PTPRM: variants seen among roughly 807,000 people sequenced by gnomAD.
The protein encoded by PTPRM is protein tyrosine phosphatase receptor type M, also known as receptor-type tyrosine-protein phosphatase mu.
A neutral mutation model predicts 186.7 loss-of-function variants in PTPRM; 47 were observed. That is an observed-to-expected ratio of 0.25 (90% CI 0.20 to 0.32). PTPRM has a LOEUF of 0.32. Ranked by LOEUF, PTPRM falls within the 10% of genes least tolerant of loss-of-function variation. PTPRM has a pLI of 1.00. For missense variants in PTPRM, 1,494 were observed against 1,865.0 expected, an observed-to-expected ratio of 0.80 and a Z score of 3.66; for synonymous variants, 668 against 674.9, an observed-to-expected ratio of 0.99 and a Z score of 0.16.
chr18:7,690,748 A>T (rs2039713686), intron 1 of PTPRM, among the ~76,000 whole-genome samples: 1 of 152,200 alleles, frequency 6.6e-6, no homozygotes, highest in South Asian at 2.1e-4. Context: ...GTTGTTACCT[A>T]AAGTTCATTA....
chr18:7,965,477 G>A (rs956115345), intron 7 of PTPRM, among the ~76,000 whole-genome samples: 3 of 152,116 alleles, frequency 2.0e-5, no homozygotes, highest in Non-Finnish European at 4.4e-5. Context: ...AGGAAGGTAG[G>A]TGAACCCTTA....
At chr18:8,372,217 G>A (rs958957616) in intron 24 of PTPRM, among the ~76,000 whole-genome samples, 12 of 147,200 alleles carry the variant, frequency 8.2e-5, no homozygotes, top group East Asian at 2.0e-4. Context: ...GACTACAGGC[G>A]CCCGCCACCG....
At chr18:7,902,834 C>CTGTT (rs375304011) in intron 3 of PTPRM, among the ~76,000 whole-genome samples, 8 of 130,070 alleles carry the variant, frequency 6.2e-5, no homozygotes, top group African/African-American at 2.0e-4. Context: ...TCTTCTCTGC[C>CTGTT]TTTTTTTTTT....
intron 9 of PTPRM, among the ~76,000 whole-genome samples, chr18:8,084,592 T>C (rs1400185615): frequency 6.6e-6 from 1 of 152,178 alleles, no homozygotes; most frequent in Non-Finnish European, 1.5e-5. Context: ...GGTATAAATA[T>C]AAGAAGAAAG....
chr18:7,706,628 A>AAAC (rs1568042208), intron 1 of PTPRM, among the ~76,000 whole-genome samples: 16 of 149,630 alleles, frequency 1.1e-4, no homozygotes, highest in African/African-American at 2.0e-4. Flanking sequence ...AAAAAAAAAA[A>AAAC]AACAACAAAA....
intron 19 of PTPRM, among the ~76,000 whole-genome samples, chr18:8,258,066 C>T (rs928263395): frequency 2.6e-5 from 4 of 152,158 alleles, no homozygotes; most frequent in African/African-American, 9.7e-5. Flanking sequence ...GAAACTCAGA[C>T]ATGAATCACA....
chr18:8,148,870 C>T (rs1307484099), intron 14 of PTPRM, among the ~76,000 whole-genome samples: 2 of 152,136 alleles, frequency 1.3e-5, no homozygotes, highest in Admixed American at 1.3e-4. Flanking sequence ...TCATTGGTTT[C>T]AAAGAACATC....
intron 19 of PTPRM, among the ~76,000 whole-genome samples, chr18:8,281,378 C>T (rs1296197714): frequency 2.0e-5 from 3 of 152,200 alleles, no homozygotes; most frequent in Admixed American, 6.5e-5. Context: ...CCTCCACCTA[C>T]AGCAGGATGC....
At chr18:7,748,820 A>T (rs926936893) in intron 1 of PTPRM, among the ~76,000 whole-genome samples, 5 of 152,176 alleles carry the variant, frequency 3.3e-5, no homozygotes, top group Admixed American at 3.3e-4. Context: ...AGGAACCCAC[A>T]GCCTTCCATT....
At chr18:7,922,067 T>C (rs2050897973) in intron 4 of PTPRM, among the ~76,000 whole-genome samples, 1 of 152,210 alleles carries the variant, frequency 6.6e-6, no homozygotes, top group Admixed American at 6.5e-5. Context: ...TTTCCCTTTT[T>C]TTCCTCTGCT....
At chr18:7,902,108 T>C (rs2049723471) in intron 3 of PTPRM, among the ~76,000 whole-genome samples, 1 of 152,226 alleles carries the variant, frequency 6.6e-6, no homozygotes, top group African/African-American at 2.4e-5. Context: ...TTTTCTCCTA[T>C]CTTGACTCTG....
At chr18:8,386,974 A>G in intron 30 of PTPRM, 98 bp from the exon 31 acceptor site, 2 of 1,267,546 alleles carry the variant, frequency 1.6e-6, no homozygotes, top group South Asian at 1.4e-5. Flanking sequence ...CTCGCCTTTA[A>G]TAATGGGAAG....
intron 7 of PTPRM, among the ~76,000 whole-genome samples, chr18:8,023,866 A>G (rs112001742): frequency 0.026 from 3,778 of 145,108 alleles, 162 homozygotes; most frequent in African/African-American, 0.089. Flanking sequence ...ACACACACAC[A>G]CACACGCACA....
In PTPRM at chr18:7,567,486, C is replaced by T. The variant is rs2036453503; in HGVS notation, c.-333C>T. On this transcript the variant is annotated 5_prime_UTR_variant, in exon 1 of 33. Coordinates refer to ENST00000580170, the MANE Select transcript of PTPRM (RefSeq NM_001105244.2). This position sits in a 1 kb window ranked among gnomAD's most constrained non-coding sequence, Gnocchi z 4.3. ...ACGGCCGGCAGCTCGGGTCCCGGGT[C>T]CCGGGCAGGGGAAGGGGAGAGGCGG... 4.7e-6 allele frequency: 1 copy of T among 212,084 alleles called. No homozygotes were observed. Among genetic ancestry groups the T allele is most frequent in the African/African-American group, 2.3e-5 (1 of 42,598 alleles). 13.1% of individuals were successfully genotyped at this position (212,084 alleles called of 1,614,324 possible).
At chr18:8,089,421 T>C (rs943794944) in intron 11 of PTPRM, among the ~76,000 whole-genome samples, 2 of 152,170 alleles carry the variant, frequency 1.3e-5, no homozygotes, top group Non-Finnish European at 2.9e-5. Context: ...TTTATATAGC[T>C]AAGCAATTAT....
intron 11 of PTPRM, among the ~76,000 whole-genome samples, chr18:8,095,646 A>G (rs2090979961): frequency 6.6e-6 from 1 of 152,072 alleles, no homozygotes; most frequent in Admixed American, 6.6e-5. Context: ...AGCGGCATAA[A>G]GGCTGGAGGA....
chr18:7,962,228 T>A (rs531868475), intron 7 of PTPRM, among the ~76,000 whole-genome samples: 6,078 of 152,198 alleles, frequency 0.04, 395 homozygotes, highest in African/African-American at 0.14. Flanking sequence ...TGTGAACAAA[T>A]AACATACATA....
At chr18:8,244,242 TCTC>T (rs772380077) in intron 15 of PTPRM, 33 bp downstream of exon 15, 28 of 1,482,018 alleles carry the variant, frequency 1.9e-5, no homozygotes, top group African/African-American at 3.0e-5. Flanking sequence ...TTCTAACACA[TCTC>T]CTTGGTTTTG....
chr18:8,005,699 G>A (rs1485287703), intron 7 of PTPRM, among the ~76,000 whole-genome samples: 1 of 152,136 alleles, frequency 6.6e-6, no homozygotes, highest in Non-Finnish European at 1.5e-5. Flanking sequence ...TGTCCCAGGA[G>A]CCTAATGTCC....
Sources: gnomAD v4.1 joint callset for allele counts (sites outside exome capture counted in the v4.1 genomes callset) on GRCh38, gnomAD v4.1.1 for gene constraint, Gnocchi (gnomAD v3.1) non-coding constraint, MANE v1.5 for transcripts, NCBI Gene and HGNC (gene_info 2026-07-23, HGNC 2026-07-21) for gene names.